The following C12orf42 variants were observed in gnomAD, a reference collection of about 807,000 sequenced individuals.
C12orf42 encodes the protein uncharacterized protein C12orf42.
Under a neutral mutation model 21.6 loss-of-function variants are expected in C12orf42, and 25 were observed. The ratio of observed to expected loss-of-function variants is 1.16; its 90% confidence interval spans 0.84 to 1.62. The LOEUF (loss-of-function observed/expected upper bound fraction) is 1.62, where lower values mean the gene tolerates loss of function less well. C12orf42 is among the 40% of genes most tolerant of loss of function. The pLI is 0.00. For synonymous variants in C12orf42, 174 were observed against 175.0 expected (o/e 0.99, Z 0.05); for missense variants, 483 against 459.3 (o/e 1.05, Z -0.47).
chr12:103,131,641 A>G, the C12orf42 span, among the ~76,000 whole-genome samples: 1 of 152,214 alleles, frequency 6.6e-6, no homozygotes, highest in African/African-American at 2.4e-5. Flanking sequence ...CAAGAAACCA[A>G]TCAAGAAAGA....
chr12:103,511,816 T>A, the C12orf42 span, among the ~76,000 whole-genome samples: 1 of 152,226 alleles, frequency 6.6e-6, no homozygotes, highest in East Asian at 1.9e-4. Flanking sequence ...TTACTTAAAT[T>A]TATATGAAAT....
intron 4 of C12orf42, among the ~76,000 whole-genome samples, chr12:103,355,756 C>T (rs1463523927): frequency 6.6e-6 from 1 of 152,068 alleles, no homozygotes; most frequent in Non-Finnish European, 1.5e-5. Flanking sequence ...TCAATTTTAG[C>T]AAGACATCCT....
the C12orf42 span, among the ~76,000 whole-genome samples, chr12:103,125,519 A>T: frequency 1.8e-3 from 276 of 152,184 alleles, 1 homozygote; most frequent in African/African-American, 6.2e-3. Flanking sequence ...CATTTTTTTA[A>T]AAAAGCTATA....
At chr12:103,410,220 G>A (rs1445170959) in intron 2 of C12orf42, among the ~76,000 whole-genome samples, 1 of 152,170 alleles carries the variant, frequency 6.6e-6, no homozygotes, top group Non-Finnish European at 1.5e-5. Flanking sequence ...CTTCCAGGGA[G>A]ACAATATTTT....
chr12:103,467,592 T>C (rs775432840), intron 2 of C12orf42, among the ~76,000 whole-genome samples: 1 of 152,186 alleles, frequency 6.6e-6, no homozygotes, highest in Non-Finnish European at 1.5e-5. Flanking sequence ...CTATATTTCC[T>C]CTTGGGCCAA....
the C12orf42 span, among the ~76,000 whole-genome samples, chr12:103,139,733 T>G: frequency 2.0e-5 from 3 of 152,156 alleles, no homozygotes; most frequent in Admixed American, 2.0e-4. Context: ...GCTGAGTCTG[T>G]GCAGCTTCTT....
At chr12:103,146,306 C>T in the C12orf42 span, among the ~76,000 whole-genome samples, 6 of 150,668 alleles carry the variant, frequency 4.0e-5, no homozygotes, top group African/African-American at 1.5e-4. Context: ...CATGTGAAAC[C>T]CTGTCTTTAT....
chr12:103,506,849 ATT>A, the C12orf42 span, among the ~76,000 whole-genome samples: 161 of 66,522 alleles, frequency 2.4e-3, 8 homozygotes, highest in African/African-American at 7.2e-3. Context: ...ATATATATAT[ATT>A]TATATATTAT....
At chr12:103,248,421 GC>G (rs1230191528) in intron 10 of C12orf42, among the ~76,000 whole-genome samples, 1 of 151,964 alleles carries the variant, frequency 6.6e-6, no homozygotes, top group East Asian at 1.9e-4. Context: ...AGTGTTCGGA[GC>G]CAACCAATAA....
At chr12:103,433,651 C>T (rs774005962) in intron 2 of C12orf42, among the ~76,000 whole-genome samples, 15 of 152,146 alleles carry the variant, frequency 9.9e-5, no homozygotes, top group Middle Eastern at 3.2e-3. Context: ...TTTTCTCTAA[C>T]AAAAGAGTGG....
At chr12:103,055,852 A>AT in the C12orf42 span, among the ~76,000 whole-genome samples, 5 of 151,906 alleles carry the variant, frequency 3.3e-5, no homozygotes, top group South Asian at 2.1e-4. Context: ...GTGTTTAGAG[A>AT]TTTTTTCTGT....
At chr12:103,325,070 T>A (rs140397715) in intron 4 of C12orf42, among the ~76,000 whole-genome samples, 1 of 152,324 alleles carries the variant, frequency 6.6e-6, no homozygotes, top group East Asian at 1.9e-4. Context: ...AACAAAACAG[T>A]TGGCGCCTGT....
the C12orf42 span, among the ~76,000 whole-genome samples, chr12:103,126,370 G>A: frequency 6.6e-6 from 1 of 152,210 alleles, no homozygotes; most frequent in South Asian, 2.1e-4. Flanking sequence ...GTCCATTACT[G>A]GTTCTAAAAA....
intron 4 of C12orf42, among the ~76,000 whole-genome samples, chr12:103,343,774 CAAAAAAAA>C (rs397747722): frequency 1.6e-5 from 1 of 62,888 alleles, no homozygotes; most frequent in Non-Finnish European, 3.6e-5. Context: ...AACTCTGTCA[CAAAAAAAA>C]AAAAAAAAGA....
At chr12:103,304,392 T>C in intron 5 of C12orf42, among the ~76,000 whole-genome samples, 1 of 152,126 alleles carries the variant, frequency 6.6e-6, no homozygotes. Context: ...TGCCAGCTGG[T>C]AATAAACCCT....
chr12:103,426,244 A>C (rs891615258), intron 2 of C12orf42, among the ~76,000 whole-genome samples: 2 of 152,248 alleles, frequency 1.3e-5, no homozygotes, highest in Non-Finnish European at 2.9e-5. Flanking sequence ...TAACTAGAAA[A>C]ACCAGTTTAA....
intron 2 of C12orf42, among the ~76,000 whole-genome samples, chr12:103,440,572 T>C (rs1003436532): frequency 3.9e-5 from 6 of 151,998 alleles, no homozygotes; most frequent in African/African-American, 1.4e-4. Flanking sequence ...TTAACATTTG[T>C]TATTATGCAA....
intron 3 of C12orf42, among the ~76,000 whole-genome samples, chr12:103,389,817 C>T (rs150668132): frequency 3.3e-5 from 5 of 152,120 alleles, no homozygotes; most frequent in Non-Finnish European, 5.9e-5. Flanking sequence ...GGGCAGCATG[C>T]GTTGTGTCAG....
chr12:103,223,482 G>A, the C12orf42 span, among the ~76,000 whole-genome samples: 1 of 152,178 alleles, frequency 6.6e-6, no homozygotes. Flanking sequence ...ATTAGAGAGT[G>A]CCTAAGGAGA....
Sources: allele counts gnomAD v4.1 joint callset (sites outside exome capture counted in the v4.1 genomes callset), GRCh38; gene constraint gnomAD v4.1.1; transcripts MANE v1.5; gene names NCBI Gene and HGNC (gene_info 2026-07-23, HGNC 2026-07-21).